Variants in ZNRF2 observed in about 807,000 individuals in gnomAD.
The protein encoded by ZNRF2 is E3 ubiquitin-protein ligase ZNRF2.
Under a neutral mutation model 20.4 loss-of-function variants are expected in ZNRF2, and 16 were observed. The ratio of observed to expected loss-of-function variants is 0.79; its 90% CI spans 0.53 to 1.19. The LOEUF is 1.19. ZNRF2 is among the 50% of genes most tolerant of loss of function. The pLI, the probability that ZNRF2 is intolerant of heterozygous loss-of-function variation, is 0.00. For synonymous variants in ZNRF2, 178 were observed against 144.9 expected, an observed-to-expected ratio of 1.23 and a Z score of -1.64; for missense variants, 363 against 332.4, an observed-to-expected ratio of 1.09 and a Z score of -0.72.
chr7:30,336,077 TATG>T (rs1237047274), intron 2 of ZNRF2, among the ~76,000 whole-genome samples: 4 of 150,382 alleles, frequency 2.7e-5, no homozygotes, highest in Non-Finnish European at 4.5e-5. Context: ...AATTATAAAA[TATG>T]ATTATGATTT....
At chr7:30,295,044 A>T (rs1223753967) in intron 1 of ZNRF2, among the ~76,000 whole-genome samples, 13 of 111,868 alleles carry the variant, frequency 1.2e-4, no homozygotes, top group Middle Eastern at 4.5e-3. Flanking sequence ...AGAGAGAGAG[A>T]GAGAGAGTGT....
chr7:30,330,673 C>T (rs951643390), intron 2 of ZNRF2, among the ~76,000 whole-genome samples: 3 of 152,044 alleles, frequency 2.0e-5, no homozygotes, highest in Non-Finnish European at 4.4e-5. Context: ...TTATATACTA[C>T]ATTTTCTTGG....
intron 2 of ZNRF2, among the ~76,000 whole-genome samples, chr7:30,334,607 A>G (rs1799688989): frequency 6.6e-6 from 1 of 152,196 alleles, no homozygotes; most frequent in Non-Finnish European, 1.5e-5. Context: ...TAACAAATCT[A>G]AAATTTTTCT....
At chr7:30,299,088 GT>G (rs931929685) in intron 1 of ZNRF2, among the ~76,000 whole-genome samples, 2 of 151,374 alleles carry the variant, frequency 1.3e-5, no homozygotes, top group East Asian at 1.9e-4. Context: ...TCTTTACTTA[GT>G]TTTTTTTTAA....
intron 2 of ZNRF2, among the ~76,000 whole-genome samples, chr7:30,349,347 G>C (rs1256560606): frequency 6.6e-6 from 1 of 152,116 alleles, no homozygotes; most frequent in Non-Finnish European, 1.5e-5. Context: ...CTAAGAGACA[G>C]GTCAAGCAGG....
intron 3 of ZNRF2, among the ~76,000 whole-genome samples, chr7:30,356,284 TAA>T (rs71557457): frequency 2.3e-4 from 34 of 146,708 alleles, no homozygotes; most frequent in East Asian, 4.0e-4. Context: ...AATTTGGGGT[TAA>T]AAAAAAAAAA....
At chr7:30,329,168 A>G (rs907283452) in intron 2 of ZNRF2, among the ~76,000 whole-genome samples, 1 of 152,222 alleles carries the variant, frequency 6.6e-6, no homozygotes, top group African/African-American at 2.4e-5. Context: ...TTATGTGTAC[A>G]TAATAGTACA....
chr7:30,344,906 T>G, intron 2 of ZNRF2, among the ~76,000 whole-genome samples: 1 of 152,232 alleles, frequency 6.6e-6, no homozygotes, highest in East Asian at 1.9e-4. Flanking sequence ...TTAAGCATTC[T>G]TCTGGTCTTA....
At chr7:30,315,722 T>TG (rs1554294841) in intron 1 of ZNRF2, among the ~76,000 whole-genome samples, 4 of 17,286 alleles carry the variant, frequency 2.3e-4, no homozygotes, top group Non-Finnish European at 1.8e-4. Context: ...AAGAAAAAGG[T>TG]GGGGCGGGGG....
chr7:30,334,187 G>GTT (rs1799682755), intron 2 of ZNRF2, among the ~76,000 whole-genome samples: 2 of 152,074 alleles, frequency 1.3e-5, no homozygotes, highest in Admixed American at 1.3e-4. Flanking sequence ...AAAAGGTAGG[G>GTT]GTTCAGTTTC....
intron 2 of ZNRF2, among the ~76,000 whole-genome samples, chr7:30,337,067 A>AT: frequency 6.6e-6 from 1 of 151,902 alleles, no homozygotes; most frequent in Non-Finnish European, 1.5e-5. Flanking sequence ...GGTTTTATCA[A>AT]TTTTTTCTCA....
At chr7:30,326,885 A>G (rs1799561346) in intron 2 of ZNRF2, among the ~76,000 whole-genome samples, 1 of 152,076 alleles carries the variant, frequency 6.6e-6, no homozygotes, top group Non-Finnish European at 1.5e-5. Context: ...TCTAATGATC[A>G]GTGATGTTGA....
intron 1 of ZNRF2, among the ~76,000 whole-genome samples, chr7:30,300,076 G>A (rs1050045312): frequency 6.8e-5 from 10 of 146,902 alleles, no homozygotes; most frequent in South Asian, 2.2e-4. Context: ...GAGCCATCCC[G>A]GCCGTAAAAC....
At chr7:30,307,410 A>G (rs1412608164) in intron 1 of ZNRF2, among the ~76,000 whole-genome samples, 2 of 122,542 alleles carry the variant, frequency 1.6e-5, no homozygotes, top group Non-Finnish European at 3.2e-5. Context: ...CATCTGTACT[A>G]CTTTTATTTT....
intron 1 of ZNRF2, among the ~76,000 whole-genome samples, chr7:30,319,072 A>C (rs1376924026): frequency 6.6e-6 from 1 of 151,682 alleles, no homozygotes; most frequent in Non-Finnish European, 1.5e-5. Flanking sequence ...AGATTGCGCC[A>C]CTTCACTCCA....
At chr7:30,294,032 TG>T in intron 1 of ZNRF2, among the ~76,000 whole-genome samples, 1 of 152,282 alleles carries the variant, frequency 6.6e-6, no homozygotes, top group East Asian at 1.9e-4. Flanking sequence ...CTTTCCTTTT[TG>T]TGGAGAACAG....
At chr7:30,354,785 G>A (rs1322078021) in intron 2 of ZNRF2, among the ~76,000 whole-genome samples, 2 of 152,008 alleles carry the variant, frequency 1.3e-5, no homozygotes, top group East Asian at 1.9e-4. Flanking sequence ...TTCTGTAAAC[G>A]AAGAACATAT....
At chr7:30,288,461 T>G (rs1798837593) in intron 1 of ZNRF2, among the ~76,000 whole-genome samples, 2 of 152,194 alleles carry the variant, frequency 1.3e-5, no homozygotes, top group Non-Finnish European at 2.9e-5. Flanking sequence ...AGTCCCCCCC[T>G]TTTATTTTTA....
chr7:30,324,412 G>C (rs1799520469), intron 2 of ZNRF2, among the ~76,000 whole-genome samples: 1 of 151,724 alleles, frequency 6.6e-6, no homozygotes, highest in East Asian at 1.9e-4. Flanking sequence ...AGCTGGGTGT[G>C]GTGGTGCACA....
Sources: allele counts gnomAD v4.1 joint callset (sites outside exome capture counted in the v4.1 genomes callset), GRCh38; gene constraint gnomAD v4.1.1; transcripts MANE v1.5; gene names NCBI Gene and HGNC (gene_info 2026-07-23, HGNC 2026-07-21).